Variants in NHSL1 observed in about 807,000 individuals in gnomAD.
NHSL1 encodes NHS like 1, also known as NHS-like protein 1.
Under a neutral mutation model 95.0 loss-of-function variants are expected in NHSL1, and 48 were observed. The ratio of observed to expected loss-of-function variants is 0.51; its 90% CI spans 0.40 to 0.64. The LOEUF is 0.64. NHSL1 is among the 30% of genes least tolerant of loss of function. The pLI is 0.00. For missense variants in NHSL1, 1,971 were observed against 2,077.7 expected (o/e 0.95, Z 1.00); for synonymous variants, 783 against 833.9 (o/e 0.94, Z 1.05).
chr6:138,520,934 A>C (rs2128308341), intron 1 of NHSL1, among the ~76,000 whole-genome samples: 2 of 152,334 alleles, frequency 1.3e-5, no homozygotes, highest in South Asian at 4.1e-4. Context: ...GAAAGTTATC[A>C]GTATCAAAAT....
At chr6:138,672,766 C>G (rs1369945485) in intron 1 of NHSL1, among the ~76,000 whole-genome samples, 1 of 152,184 alleles carries the variant, frequency 6.6e-6, no homozygotes, top group African/African-American at 2.4e-5. Context: ...CACCTGTAAT[C>G]TCAGCACTTT....
chr6:138,490,248 G>T (rs1779994872), intron 2 of NHSL1, among the ~76,000 whole-genome samples: 1 of 152,054 alleles, frequency 6.6e-6, no homozygotes, highest in African/African-American at 2.4e-5. Flanking sequence ...CTGAGGTGGT[G>T]GGCAGATGCA....
chr6:138,650,422 T>C, intron 1 of NHSL1: 1 of 1,423,798 alleles, frequency 7.0e-7, no homozygotes, highest in Non-Finnish European at 9.8e-7. Flanking sequence ...TAGGTCAGCA[T>C]GCTCACTGCA....
intron 2 of NHSL1, among the ~76,000 whole-genome samples, chr6:138,482,035 TGTGCTTA>T (rs1182633670): frequency 6.6e-6 from 1 of 152,198 alleles, no homozygotes; most frequent in Non-Finnish European, 1.5e-5. Flanking sequence ...TAGAGTACAA[TGTGCTTA>T]GCTGCAGGTG....
chr6:138,590,720 A>G (rs1028148451), intron 1 of NHSL1, among the ~76,000 whole-genome samples: 1 of 152,130 alleles, frequency 6.6e-6, no homozygotes, highest in Non-Finnish European at 1.5e-5. Context: ...TCGGCATAGT[A>G]CCAGGAAGCC....
chr6:138,560,108 C>T (rs940456096), intron 1 of NHSL1, among the ~76,000 whole-genome samples: 3 of 152,176 alleles, frequency 2.0e-5, no homozygotes, highest in Non-Finnish European at 4.4e-5. Flanking sequence ...TTCTCAGAAA[C>T]TAGAGAAGAA....
chr6:138,467,987 A>G (rs570835478), intron 3 of NHSL1, among the ~76,000 whole-genome samples: 130 of 152,266 alleles, frequency 8.5e-4, no homozygotes, highest in Middle Eastern at 3.4e-3. Flanking sequence ...GACTCATGCA[A>G]TCCTCCCACC....
intron 2 of NHSL1, among the ~76,000 whole-genome samples, chr6:138,491,792 GT>G (rs372429180): frequency 9.6e-4 from 146 of 152,140 alleles, no homozygotes; most frequent in African/African-American, 3.3e-3. Flanking sequence ...TCCGATTTGG[GT>G]TTTTTTCTGA....
chr6:138,650,696 G>A (rs1243803005), intron 1 of NHSL1: 1 of 552,982 alleles, frequency 1.8e-6, no homozygotes, highest in Non-Finnish European at 3.7e-6. Context: ...CATGCAGGGG[G>A]TGGGTCAACA....
chr6:138,684,373 C>T (rs762066766), intron 1 of NHSL1, among the ~76,000 whole-genome samples: 10 of 152,104 alleles, frequency 6.6e-5, no homozygotes, highest in South Asian at 2.1e-4. Flanking sequence ...GGCCTGTGGG[C>T]GCGGTGACTC....
chr6:138,436,045 T>C (rs1360299460), intron 5 of NHSL1, among the ~76,000 whole-genome samples: 1 of 152,202 alleles, frequency 6.6e-6, no homozygotes, highest in African/African-American at 2.4e-5. Context: ...TCTCTCCCTC[T>C]TCTTGGGCTT....
intron 1 of NHSL1, among the ~76,000 whole-genome samples, chr6:138,638,335 T>C (rs1441893662): frequency 2.0e-5 from 3 of 151,872 alleles, no homozygotes; most frequent in African/African-American, 7.3e-5. Context: ...ACTAAAAGAG[T>C]ATAATTGGAT....
At chr6:138,622,002 A>G (rs9389597) in intron 1 of NHSL1, among the ~76,000 whole-genome samples, 109,764 of 152,076 alleles carry the variant, frequency 0.72, 40,415 homozygotes, top group East Asian at 0.97. Context: ...CAGGGATCCC[A>G]TGAAGATTAA....
chr6:138,477,181 T>C (rs1779128929), intron 2 of NHSL1, among the ~76,000 whole-genome samples: 1 of 152,200 alleles, frequency 6.6e-6, no homozygotes, highest in Non-Finnish European at 1.5e-5. Context: ...CAGCTACTTA[T>C]CTATGTAATT....
At position 138,432,138 on chromosome 6, in the gene NHSL1, G is replaced by T; in HGVS notation, c.2207C>A (p.Ser736Tyr). The change falls in exon 6 of 8, where the codon TCC becomes TAC. Residue 736 changes from serine (S) to tyrosine (Y), a missense_variant. Coordinates refer to ENST00000343505, the MANE Select transcript of NHSL1 (RefSeq NM_001144060.2). The surrounding 1 kb of genome is among the most constrained non-coding windows in gnomAD (Gnocchi z 4.4). ...SDLEEPWLPR[S>Y]RSQSTVSAGS... is the part of the protein sequence containing the mutation. ...AGCACTAACTGTGCTCTGGCTCCGG[G>T]AGCGGGGCAGCCAGGGCTCTTCCAA... 6.5e-7 allele frequency: 1 copy of T among 1,549,496 alleles called. No individual in the cohort carries two copies. The highest frequency in any genetic ancestry group is 8.7e-7 in the Non-Finnish European group (1 of 1,145,690).
chr6:138,640,790 A>G (rs926496491), intron 1 of NHSL1, among the ~76,000 whole-genome samples: 2 of 151,590 alleles, frequency 1.3e-5, no homozygotes, highest in Non-Finnish European at 2.9e-5. Context: ...CCCCACCCCC[A>G]GTTGTTCAAG....
At chr6:138,467,165 A>G (rs540693653) in intron 3 of NHSL1, among the ~76,000 whole-genome samples, 2 of 151,148 alleles carry the variant, frequency 1.3e-5, no homozygotes, top group East Asian at 2.0e-4. Flanking sequence ...ATATATATAT[A>G]TTTTTTTGAG....
intron 5 of NHSL1, among the ~76,000 whole-genome samples, chr6:138,434,543 G>GA (rs796788786): frequency 5.6e-4 from 84 of 148,988 alleles, no homozygotes; most frequent in African/African-American, 2.0e-3. Flanking sequence ...TGAGAAAAAA[G>GA]AAAAAAAATC....
rs1775013896 is a variant in NHSL1, at chr6:138,423,075, T to TG, written c.*1005dup. ...TTTCAAGTGACAGGAAATTGCCTAA[T>TG]GGAAGTTTAAACTCTGGTTAAAAAA... On this transcript the variant is annotated 3_prime_UTR_variant, in exon 8 of 8. Transcript: ENST00000343505. The TG allele has an allele frequency of 3.0e-5, 4 of 131,362 alleles. No homozygotes were observed. The South Asian group carries it at 9.7e-4, about 32-fold the overall frequency. 8.1% of individuals were successfully genotyped at this position (131,362 alleles called of 1,614,324 possible).
Sources: gnomAD v4.1 joint callset for allele counts (sites outside exome capture counted in the v4.1 genomes callset) on GRCh38, gnomAD v4.1.1 for gene constraint, Gnocchi (gnomAD v3.1) non-coding constraint, MANE v1.5 for transcripts, NCBI Gene and HGNC (gene_info 2026-07-23, HGNC 2026-07-21) for gene names.